MACROD2: variants seen among roughly 807,000 people sequenced by gnomAD.
MACROD2 encodes mono-ADP ribosylhydrolase 2.
In MACROD2, 36 loss-of-function variants were observed where a neutral mutation model predicts 70.4. The ratio of observed to expected loss-of-function variants is 0.51; its 90% CI spans 0.39 to 0.68. The LOEUF is 0.68. MACROD2 is among the 30% of genes least tolerant of loss of function. The pLI is 0.00. For missense variants in MACROD2, 496 were observed against 538.4 expected (o/e 0.92, Z 0.78); for synonymous variants, 172 against 178.8 (o/e 0.96, Z 0.30).
intron 13 of MACROD2, among the ~76,000 whole-genome samples, chr20:15,973,023 A>G (rs900356578): frequency 1.3e-5 from 2 of 152,142 alleles, no homozygotes; most frequent in Non-Finnish European, 2.9e-5. Flanking sequence ...AAAATGATAA[A>G]GAAGACCTAG....
chr20:14,968,872 GTTTGT>G (rs141715580), intron 5 of MACROD2, among the ~76,000 whole-genome samples: 3,337 of 152,152 alleles, frequency 0.022, 133 homozygotes, highest in African/African-American at 0.075. Flanking sequence ...AGTTCTGTTT[GTTTGT>G]TTTGTTTTGT....
chr20:14,688,725 T>C (rs926294350), intron 5 of MACROD2, among the ~76,000 whole-genome samples: 1 of 152,188 alleles, frequency 6.6e-6, no homozygotes, highest in Non-Finnish European at 1.5e-5. Context: ...GGGACATTTC[T>C]ATTCATGCTA....
Position 14,706,790 on chromosome 20 carries a change from C to T in MACROD2, c.418+21831C>T, listed in dbSNP as rs545229056. 8.3e-4 allele frequency among the ~76,000 whole-genome samples: 127 copies of T among 152,180 alleles called. 1 individual carries two copies. Among genetic ancestry groups the T allele is most frequent in the Middle Eastern group, 3.4e-3 (1 of 294 alleles). ...CTGCTTGTTGGCAGAAAGCAAGCAC[C>T]GCCGAGACTGAAGGGCACAATTGCC... On this transcript the variant is annotated intron_variant, in intron 5 of 17. Coordinates refer to ENST00000684519, the MANE Select transcript of MACROD2 (RefSeq NM_001351661.2).
intron 5 of MACROD2, among the ~76,000 whole-genome samples, chr20:14,953,408 G>A (rs1371708032): frequency 6.6e-6 from 1 of 152,012 alleles, no homozygotes; most frequent in African/African-American, 2.4e-5. Context: ...CTGGGTTCAC[G>A]CCATTCTCCT....
intron 5 of MACROD2, among the ~76,000 whole-genome samples, chr20:14,950,215 T>C (rs564194573): frequency 2.0e-5 from 3 of 152,176 alleles, no homozygotes; most frequent in East Asian, 3.9e-4. Context: ...ACTGGCTGAG[T>C]TATATCATTC....
chr20:14,117,499 A>G (rs543607912), intron 3 of MACROD2, among the ~76,000 whole-genome samples: 8 of 152,304 alleles, frequency 5.3e-5, no homozygotes, highest in African/African-American at 1.9e-4. Context: ...ATTGGTAGGC[A>G]GGTAGGCAGA....
intron 4 of MACROD2, among the ~76,000 whole-genome samples, chr20:14,581,271 A>T (rs1204168772): frequency 6.6e-6 from 1 of 152,196 alleles, no homozygotes; most frequent in Admixed American, 6.5e-5. Flanking sequence ...TACCTGGAGA[A>T]CTCTAAAAAA....
At chr20:15,323,658 A>G (rs1184363123) in intron 6 of MACROD2, among the ~76,000 whole-genome samples, 2 of 152,050 alleles carry the variant, frequency 1.3e-5, no homozygotes, top group Non-Finnish European at 2.9e-5. Flanking sequence ...CCCCTCCATC[A>G]TCTTGCATTC....
intron 5 of MACROD2, among the ~76,000 whole-genome samples, chr20:15,008,316 T>C (rs2075055548): frequency 6.6e-6 from 1 of 152,140 alleles, no homozygotes; most frequent in African/African-American, 2.4e-5. Context: ...CTCTGTCTTA[T>C]AGATGCTGTC....
At chr20:15,155,135 A>G (rs2076297948) in intron 5 of MACROD2, among the ~76,000 whole-genome samples, 1 of 151,550 alleles carries the variant, frequency 6.6e-6, no homozygotes. Flanking sequence ...AGAACTCAAA[A>G]TGGTAACTGT....
chr20:14,647,735 C>G (rs1284612996), intron 4 of MACROD2, among the ~76,000 whole-genome samples: 1 of 152,134 alleles, frequency 6.6e-6, no homozygotes, highest in African/African-American at 2.4e-5. Context: ...TCCTGTCACT[C>G]TTGACTGAGA....
intron 3 of MACROD2, among the ~76,000 whole-genome samples, chr20:14,361,863 G>A (rs2083224928): frequency 6.6e-6 from 1 of 152,172 alleles, no homozygotes; most frequent in African/African-American, 2.4e-5. Flanking sequence ...GTACTTTTCT[G>A]ACATTTGGGC....
intron 5 of MACROD2, among the ~76,000 whole-genome samples, chr20:14,801,525 G>A (rs1302651241): frequency 1.3e-5 from 2 of 151,960 alleles, no homozygotes; most frequent in Admixed American, 6.6e-5. Flanking sequence ...CTCACACCAG[G>A]AGTTTTTTAT....
chr20:14,961,895 T>C (rs2074586670), intron 5 of MACROD2, among the ~76,000 whole-genome samples: 1 of 152,214 alleles, frequency 6.6e-6, no homozygotes, highest in Non-Finnish European at 1.5e-5. Flanking sequence ...ATGACAATTA[T>C]CAAGAACAAG....
chr20:15,189,822 A>G (rs1320212874), intron 5 of MACROD2, among the ~76,000 whole-genome samples: 3 of 152,224 alleles, frequency 2.0e-5, no homozygotes, highest in Admixed American at 1.3e-4. Flanking sequence ...AGATCATTAC[A>G]GTGTTATCTC....
chr20:14,071,363 C>A (rs1441437113), intron 2 of MACROD2, among the ~76,000 whole-genome samples: 1 of 147,028 alleles, frequency 6.8e-6, no homozygotes, highest in African/African-American at 2.5e-5. Flanking sequence ...CGGGTGCATG[C>A]CGTTCTCCTG....
chr20:14,815,697 A>G (rs2072765999), intron 5 of MACROD2, among the ~76,000 whole-genome samples: 1 of 152,082 alleles, frequency 6.6e-6, no homozygotes, highest in African/African-American at 2.4e-5. Context: ...CGATCAATAA[A>G]TGTTATTATG....
chr20:15,772,160 A>G (rs1358103187), intron 8 of MACROD2, among the ~76,000 whole-genome samples: 1 of 146,454 alleles, frequency 6.8e-6, no homozygotes, highest in Non-Finnish European at 1.5e-5. Context: ...CCATAATTTC[A>G]TCCTGCCCCA....
chr20:15,604,527 G>A (rs2048866695), intron 8 of MACROD2, among the ~76,000 whole-genome samples: 1 of 152,186 alleles, frequency 6.6e-6, no homozygotes, highest in South Asian at 2.1e-4. Context: ...CAGTGGACAA[G>A]AGGACCAAAT....
Sources: gnomAD v4.1 joint callset for allele counts (sites outside exome capture counted in the v4.1 genomes callset) on GRCh38, gnomAD v4.1.1 for gene constraint, MANE v1.5 for transcripts, NCBI Gene and HGNC (gene_info 2026-07-23, HGNC 2026-07-21) for gene names.